The following HOTAIR variants were observed in gnomAD, a reference collection of about 807,000 sequenced individuals.
HOTAIR encodes the protein HOX transcript antisense RNA (non-protein coding).
At position 53,973,949 on chromosome 12, in the gene HOTAIR, G is replaced by A; in HGVS notation, n.59+949C>T. ...GTAGGTAGCAGCGGCCGGGGAACGGGCGGGCAGCGAGGGAGGGAGCGAGAG... is the reference window on the plus strand; with the variant it reads ...GTAGGTAGCAGCGGCCGGGGAACGGACGGGCAGCGAGGGAGGGAGCGAGAG... On this transcript the variant is annotated intron_variant and non_coding_transcript_variant, in intron 1 of 6. Transcript: ENST00000424518. The surrounding 1 kb of genome is among the most constrained non-coding windows in gnomAD (Gnocchi z 4.3). 7.0e-7 allele frequency: 1 copy of A among 1,434,760 alleles called. No individual in the cohort carries two copies. The highest frequency in any genetic ancestry group is 1.5e-5 in the South Asian group (1 of 66,636). 88.9% of individuals were successfully genotyped at this position (1,434,760 alleles called of 1,614,324 possible).
intron 1 of HOTAIR, among the ~76,000 whole-genome samples, chr12:53,971,306 G>T (rs573770440): frequency 1.3e-5 from 2 of 152,154 alleles, no homozygotes; most frequent in Non-Finnish European, 2.9e-5. Flanking sequence ...TGCGTAGAGG[G>T]GCACCTGAGA....
At chr12:53,964,398 G>C (rs1419377320) in intron 5 of HOTAIR, 1 of 152,148 alleles carries the variant, frequency 6.6e-6, no homozygotes, top group African/African-American at 2.4e-5. Context: ...CAAAAAAGGG[G>C]GAAGGGAAAG....
At chr12:53,967,717 A>C (rs1939080469) in intron 2 of HOTAIR, among the ~76,000 whole-genome samples, 1 of 152,190 alleles carries the variant, frequency 6.6e-6, no homozygotes, top group African/African-American at 2.4e-5. Flanking sequence ...GGGGAGCTCC[A>C]GTTAGTGAGG....
In HOTAIR at chr12:53,973,752, T is replaced by G; in HGVS notation, n.59+1146A>C. The G allele has an allele frequency of 6.2e-7, 1 of 1,612,610 alleles. No homozygotes were observed. The highest frequency in any genetic ancestry group is 2.2e-5 in the East Asian group (1 of 44,838). On this transcript the variant is annotated intron_variant and non_coding_transcript_variant, in intron 1 of 6. Coordinates refer to ENST00000424518, the Ensembl canonical transcript of HOTAIR. This position sits in a 1 kb window ranked among gnomAD's most constrained non-coding sequence, Gnocchi z 4.3. ...CGGCGACCCGCCCGCCGAGCCCCCC[T>G]GCTCCGGCAAGGGCGAGGCCAAGGG...
At chr12:53,969,379 T>G (rs1939111744) in intron 1 of HOTAIR, among the ~76,000 whole-genome samples, 1 of 152,158 alleles carries the variant, frequency 6.6e-6, no homozygotes, top group African/African-American at 2.4e-5. Context: ...GGAGCTGTCC[T>G]TCTCCCTCCC....
In HOTAIR at chr12:53,970,094, C is replaced by T. The variant is rs180818277; in HGVS notation, n.60-1338G>A. Among the ~76,000 whole-genome samples the T allele has an allele frequency of 2.0e-3, 306 of 152,328 alleles. 2 individuals carry two copies. The highest frequency in any genetic ancestry group is 7.0e-3 in the African/African-American group (292 of 41,584). On this transcript the variant is annotated intron_variant and non_coding_transcript_variant, in intron 1 of 6. Transcript: ENST00000424518. The stretch of plus-strand genomic sequence containing the variant: ...CCTGGACAGCTGCCCAGACCGCAGC[C>T]GCCTGCTAGCAGCCAGGCTGGCTGA...
chr12:53,963,286 C>T (rs936486557), exon 7 of HOTAIR: 14 of 152,362 alleles, frequency 9.2e-5, no homozygotes, highest in African/African-American at 3.4e-4. Context: ...TGGGTCTACA[C>T]AAGTAGCAGG....
intron 5 of HOTAIR, among the ~76,000 whole-genome samples, chr12:53,964,586 C>G (rs1779711900): frequency 6.6e-6 from 1 of 152,192 alleles, no homozygotes; most frequent in African/African-American, 2.4e-5. Context: ...AATCCTGACC[C>G]TGACTACACA....
chr12:53,962,455 C>G (rs1311472860), exon 7 of HOTAIR: 2 of 152,162 alleles, frequency 1.3e-5, no homozygotes, highest in African/African-American at 4.8e-5. Flanking sequence ...GAAAATGCAT[C>G]CAGATATTAA....
In HOTAIR at chr12:53,973,665, A is replaced by T. The variant is rs769163448; in HGVS notation, n.59+1233T>A. ...CCCCGCCGGCTTCTACTCCTCAGTC[A>T]ACAAGAACAGCGTCCTGCCTCAAGC... On this transcript the variant is annotated intron_variant and non_coding_transcript_variant, in intron 1 of 6. Coordinates refer to ENST00000424518, the Ensembl canonical transcript of HOTAIR. This position sits in a 1 kb window ranked among gnomAD's most constrained non-coding sequence, Gnocchi z 4.3. 6.2e-7 allele frequency: 1 copy of T among 1,613,516 alleles called. No homozygotes were observed. Among genetic ancestry groups the T allele is most frequent in the South Asian group, 1.1e-5 (1 of 91,080 alleles).
intron 3 of HOTAIR, among the ~76,000 whole-genome samples, chr12:53,966,885 T>G (rs932571983): frequency 2.0e-5 from 3 of 152,144 alleles, no homozygotes; most frequent in African/African-American, 7.2e-5. Context: ...CGGTGGGCAG[T>G]GGGCAGGCTC....
At chr12:53,970,414 G>A (rs1939130703) in intron 1 of HOTAIR, among the ~76,000 whole-genome samples, 1 of 152,180 alleles carries the variant, frequency 6.6e-6, no homozygotes, top group Admixed American at 6.5e-5. Context: ...GGCTGGGCAG[G>A]GAGGCTACTC....
chr12:53,964,589 A>C (rs1017759301), intron 5 of HOTAIR, among the ~76,000 whole-genome samples: 1 of 152,190 alleles, frequency 6.6e-6, no homozygotes, highest in African/African-American at 2.4e-5. Context: ...CCTGACCCTG[A>C]CTACACAGTG....
intron 3 of HOTAIR, among the ~76,000 whole-genome samples, chr12:53,966,927 A>G (rs1289105514): frequency 6.6e-6 from 1 of 152,210 alleles, no homozygotes; most frequent in Non-Finnish European, 1.5e-5. Context: ...AGGATCCCGA[A>G]CTGAGATCCT....
At chr12:53,969,018 G>T (rs1185245087) in intron 1 of HOTAIR, 1 of 152,226 alleles carries the variant, frequency 6.6e-6, no homozygotes, top group Admixed American at 6.5e-5. Context: ...TGATCAGGAG[G>T]ACTAGGTCCG....
At chr12:53,963,059 T>G (rs1170306476) in exon 7 of HOTAIR, 1 of 152,274 alleles carries the variant, frequency 6.6e-6, no homozygotes, top group Non-Finnish European at 1.5e-5. Flanking sequence ...GGGTGGGTGC[T>G]GAACCTTCAA....
Position 53,973,993 on chromosome 12 carries a change from G to T in HOTAIR, n.59+905C>A, listed in dbSNP as rs1016457991. ...GCGAGAGAGGGAGGGCGAGAGAAGG[G>T]GGGAGGCAAGGGGAGCGGGGACGGC... On this transcript the variant is annotated intron_variant and non_coding_transcript_variant, in intron 1 of 6. Transcript: ENST00000424518. The surrounding 1 kb of genome is among the most constrained non-coding windows in gnomAD (Gnocchi z 4.3). The T allele has an allele frequency of 1.1e-5, 14 of 1,285,366 alleles. No individual in the cohort carries two copies. Among genetic ancestry groups the T allele is most frequent in the Non-Finnish European group, 1.3e-5 (13 of 967,562 alleles). The allele number at this position is 1,285,366 out of a possible 1,614,324, so 79.6% of individuals were successfully genotyped here.
At chr12:53,974,729 C>G (rs903038512) in intron 1 of HOTAIR, among the ~76,000 whole-genome samples, 1 of 151,892 alleles carries the variant, frequency 6.6e-6, no homozygotes, top group African/African-American at 2.4e-5. Flanking sequence ...GCTTCCTCCC[C>G]GCCTCCCGAC....
At chr12:53,964,563 C>A (rs952773672) in intron 5 of HOTAIR, among the ~76,000 whole-genome samples, 1 of 152,332 alleles carries the variant, frequency 6.6e-6, no homozygotes, top group East Asian at 1.9e-4. Context: ...CTGTCCCCTG[C>A]ACTTCCTGCT....
Sources: gnomAD v4.1 joint callset for allele counts (sites outside exome capture counted in the v4.1 genomes callset) on GRCh38, gnomAD v4.1.1 for gene constraint, Gnocchi (gnomAD v3.1) non-coding constraint, MANE v1.5 for transcripts, NCBI Gene and HGNC (gene_info 2026-07-23, HGNC 2026-07-21) for gene names.